Variants in STPG2 observed in about 807,000 individuals in gnomAD.
STPG2 encodes sperm-tail PG-rich repeat-containing protein 2.
A neutral mutation model predicts 54.2 loss-of-function variants in STPG2; 56 were observed. The ratio of observed to expected loss-of-function variants is 1.03; its 90% CI spans 0.83 to 1.29. STPG2 has a LOEUF of 1.29. Among genes scored for constraint, STPG2 ranks in the 50% most tolerant of loss-of-function variants. STPG2 has a pLI of 0.00. For missense variants in STPG2, 596 were observed against 544.9 expected, an observed-to-expected ratio of 1.09 and a Z score of -0.93; for synonymous variants, 200 against 181.8, an observed-to-expected ratio of 1.10 and a Z score of -0.81.
chr4:97,782,738 A>G (rs184807269), intron 9 of STPG2, among the ~76,000 whole-genome samples: 37 of 152,294 alleles, frequency 2.4e-4, no homozygotes, highest in African/African-American at 8.9e-4. Flanking sequence ...ACAGATATAG[A>G]CCAATGGAAC....
At chr4:97,909,891 C>A (rs1165313647) in intron 8 of STPG2, among the ~76,000 whole-genome samples, 1 of 152,052 alleles carries the variant, frequency 6.6e-6, no homozygotes, top group Non-Finnish European at 1.5e-5. Flanking sequence ...TACTCACTTG[C>A]ACCAGTTTTA....
intron 10 of STPG2, among the ~76,000 whole-genome samples, chr4:97,580,635 G>A (rs939196892): frequency 7.3e-5 from 11 of 151,652 alleles, no homozygotes; most frequent in Non-Finnish European, 1.0e-4. Context: ...TACTAATCAA[G>A]AAAACTTCCA....
intron 9 of STPG2, among the ~76,000 whole-genome samples, chr4:97,797,479 C>T (rs534265000): frequency 2.6e-5 from 4 of 152,134 alleles, no homozygotes; most frequent in African/African-American, 9.6e-5. Context: ...TGTTTATATG[C>T]TGGATTACGT....
intron 4 of STPG2, among the ~76,000 whole-genome samples, chr4:97,544,786 C>G (rs1182510127): frequency 1.3e-5 from 2 of 152,012 alleles, no homozygotes; most frequent in African/African-American, 4.8e-5. Flanking sequence ...CCAGATATTA[C>G]GTTCTTTCAG....
At chr4:97,464,718 C>T (rs1358735892) in intron 4 of STPG2, among the ~76,000 whole-genome samples, 1 of 152,066 alleles carries the variant, frequency 6.6e-6, no homozygotes, top group Admixed American at 6.6e-5. Flanking sequence ...TGGTACTTGC[C>T]TGGTACATGT....
intron 10 of STPG2, among the ~76,000 whole-genome samples, chr4:97,639,463 G>A (rs926778710): frequency 3.3e-5 from 5 of 151,332 alleles, no homozygotes; most frequent in Admixed American, 2.6e-4. Flanking sequence ...CCTGCACAAT[G>A]TGCACATGTA....
chr4:98,109,639 G>A (rs1158706928), intron 3 of STPG2, among the ~76,000 whole-genome samples: 3 of 152,138 alleles, frequency 2.0e-5, no homozygotes, highest in Non-Finnish European at 4.4e-5. Flanking sequence ...TTAAAAAAGA[G>A]AGAGGGGATA....
chr4:97,506,936 G>A (rs924264913), intron 4 of STPG2, among the ~76,000 whole-genome samples: 2 of 151,986 alleles, frequency 1.3e-5, no homozygotes, highest in African/African-American at 4.8e-5. Context: ...TAAATATATT[G>A]TCATAATATA....
At chr4:97,588,276 T>A (rs891850476) in intron 10 of STPG2, among the ~76,000 whole-genome samples, 1 of 151,634 alleles carries the variant, frequency 6.6e-6, no homozygotes, top group Non-Finnish European at 1.5e-5. Flanking sequence ...AATTAACTAC[T>A]CTGTACAGGA....
chr4:97,627,505 G>A (rs960785987), intron 10 of STPG2, among the ~76,000 whole-genome samples: 1 of 152,120 alleles, frequency 6.6e-6, no homozygotes, highest in Non-Finnish European at 1.5e-5. Flanking sequence ...AAGTACTGAT[G>A]TGAGGAGAGT....
chr4:97,641,661 T>C (rs1235528894), intron 10 of STPG2, among the ~76,000 whole-genome samples: 1 of 151,330 alleles, frequency 6.6e-6, no homozygotes, highest in Non-Finnish European at 1.5e-5. Flanking sequence ...AACTCACTTC[T>C]TTCAACTTTT....
intron 4 of STPG2, among the ~76,000 whole-genome samples, chr4:97,455,832 GCATTCAC>G (rs1320630782): frequency 6.6e-6 from 1 of 152,110 alleles, no homozygotes; most frequent in Non-Finnish European, 1.5e-5. Context: ...GGAGCTTTAA[GCATTCAC>G]CCCTAGACAC....
chr4:98,089,951 C>A (rs964468163), intron 5 of STPG2, among the ~76,000 whole-genome samples: 11 of 151,804 alleles, frequency 7.2e-5, no homozygotes, highest in Admixed American at 5.2e-4. Flanking sequence ...GAATACTAGT[C>A]CTTTGTCAGA....
chr4:97,678,878 T>C (rs980688978), intron 10 of STPG2, among the ~76,000 whole-genome samples: 46 of 151,930 alleles, frequency 3.0e-4, no homozygotes, highest in Non-Finnish European at 6.0e-4. Context: ...ATGTGGTGTT[T>C]GGTTTCTTGT....
chr4:97,750,872 G>T (rs368632567), intron 9 of STPG2, among the ~76,000 whole-genome samples: 19 of 151,878 alleles, frequency 1.3e-4, no homozygotes, highest in African/African-American at 4.1e-4. Flanking sequence ...CCTAAGCATG[G>T]TGCTTTGCGG....
intron 8 of STPG2, among the ~76,000 whole-genome samples, chr4:97,906,821 T>C (rs1303346468): frequency 2.0e-5 from 3 of 152,132 alleles, no homozygotes; most frequent in East Asian, 3.9e-4. Context: ...CAACACCCCG[T>C]CAAACTAAAA....
intron 5 of STPG2, among the ~76,000 whole-genome samples, chr4:98,063,620 A>G (rs1006623052): frequency 2.0e-5 from 3 of 152,230 alleles, no homozygotes; most frequent in Non-Finnish European, 2.9e-5. Flanking sequence ...AAAGCAGGAA[A>G]AAGAAAATGA....
intron 7 of STPG2, among the ~76,000 whole-genome samples, chr4:97,968,915 T>C (rs1314867191): frequency 6.6e-6 from 1 of 152,150 alleles, no homozygotes; most frequent in Non-Finnish European, 1.5e-5. Flanking sequence ...TATGAACGGA[T>C]GTGCAGTCAG....
At chr4:97,830,855 G>A (rs1007628820) in intron 9 of STPG2, among the ~76,000 whole-genome samples, 2 of 152,134 alleles carry the variant, frequency 1.3e-5, no homozygotes, top group African/African-American at 4.8e-5. Context: ...CAATACAGGA[G>A]CACCCAGATT....
Sources: allele counts gnomAD v4.1 joint callset (sites outside exome capture counted in the v4.1 genomes callset), GRCh38; gene constraint gnomAD v4.1.1; transcripts MANE v1.5; gene names NCBI Gene and HGNC (gene_info 2026-07-23, HGNC 2026-07-21).